Variants in IGF2BP2 observed in about 807,000 individuals in gnomAD.
IGF2BP2 encodes the protein insulin like growth factor 2 mRNA binding protein 2.
A neutral mutation model predicts 75.8 loss-of-function variants in IGF2BP2; 17 were observed. That is an observed-to-expected ratio of 0.22 (90% confidence interval 0.15 to 0.34). IGF2BP2 has a LOEUF of 0.34. Ranked by LOEUF, IGF2BP2 falls within the 10% of genes least tolerant of loss-of-function variation. The probability of loss-of-function intolerance (pLI) is 1.00; values close to 1 mark genes in which losing one functional copy is unlikely to be tolerated. For synonymous variants in IGF2BP2, 288 were observed against 295.6 expected, an observed-to-expected ratio of 0.97 and a Z score of 0.26; for missense variants, 516 against 772.4, an observed-to-expected ratio of 0.67 and a Z score of 3.93.
intron 1 of IGF2BP2, 185 bp from the exon 2 acceptor site, chr3:185,823,398 G>C (rs548781982): frequency 1.4e-5 from 7 of 490,178 alleles, no homozygotes; most frequent in Admixed American, 8.1e-5. Context: ...CCCGTGTCTC[G>C]GGACAAGGCG....
rs116926998 is a variant in IGF2BP2 at position 185,663,188 on chromosome 3, C to T, written c.1201-4779G>A. Among the ~76,000 whole-genome samples, 119 of 152,320 alleles carry T rather than the reference C, an allele frequency of 7.8e-4. No homozygotes were observed. The East Asian group carries it at 0.019, about 25-fold the overall frequency. On this transcript the variant is annotated intron_variant, in intron 10 of 15. Coordinates refer to ENST00000382199, the MANE Select transcript of IGF2BP2 (RefSeq NM_006548.6). ...TAGGGAACCCTGACCCCAATGTGGC[C>T]ATTAGACTCACTGTCCCAGTTGGAG...
intron 2 of IGF2BP2, among the ~76,000 whole-genome samples, chr3:185,699,574 G>A (rs1723025169): frequency 2.0e-5 from 3 of 152,240 alleles, no homozygotes; most frequent in East Asian, 1.9e-4. Flanking sequence ...TGTTATTTGC[G>A]TATCCTTCAG....
At chr3:185,658,300 A>G in intron 11 of IGF2BP2, 41 bp downstream of exon 11, 1 of 1,582,760 alleles carries the variant, frequency 6.3e-7, no homozygotes, top group Non-Finnish European at 8.7e-7. Context: ...GCCTAGCCCC[A>G]GGAGAAGTGG....
chr3:185,703,998 G>C (rs1370421059), intron 2 of IGF2BP2, among the ~76,000 whole-genome samples: 2 of 152,124 alleles, frequency 1.3e-5, no homozygotes, highest in African/African-American at 4.8e-5. Flanking sequence ...TGGAGAATTA[G>C]GCCAACTAGG....
At chr3:185,808,331 T>G (rs1348719374) in intron 2 of IGF2BP2, among the ~76,000 whole-genome samples, 2 of 150,664 alleles carry the variant, frequency 1.3e-5, no homozygotes, top group Non-Finnish European at 3.0e-5. Context: ...AAAAAAAAAA[T>G]TAGCTGAGTG....
At chr3:185,677,068 T>TATATATATAGAG in intron 7 of IGF2BP2, among the ~76,000 whole-genome samples, 25 of 35,854 alleles carry the variant, frequency 7.0e-4, no homozygotes, top group East Asian at 2.8e-3. Flanking sequence ...TATATATATA[T>TATATATATAGAG]AGAGAGAGAG....
At position 185,674,483 on chromosome 3, in the gene IGF2BP2, G is replaced by A. The variant is rs76011554; in HGVS notation, c.1071+813C>T. Among the ~76,000 whole-genome samples the A allele has an allele frequency of 3.1e-3, 468 of 152,276 alleles. 2 individuals are homozygous for A. The highest frequency in any genetic ancestry group is 0.011 in the African/African-American group (445 of 41,544). On this transcript the variant is annotated intron_variant, in intron 9 of 15. Transcript: ENST00000382199. ...TGTTTGTTTTTTGAATGCCGGATCA[G>A]TGTCTCCCCATTAAGAGTAAAAATT...
At position 185,647,273 on chromosome 3, in the gene IGF2BP2, C is replaced by G; in HGVS notation, c.1594-135G>C. The G allele has an allele frequency of 2.1e-5, 14 of 679,744 alleles. No individual in the cohort carries two copies. The highest frequency in any genetic ancestry group is 5.3e-6 in the Non-Finnish European group (2 of 376,876). The allele number at this position is 679,744 out of a possible 1,614,324, so 42.1% of individuals were successfully genotyped here. ...GGACTCTGCTCTCCTTTCCTTTTATCAAGGACACCCCGGGGGCTCCTCTGC... is the reference window on the plus strand; with the variant it reads ...GGACTCTGCTCTCCTTTCCTTTTATGAAGGACACCCCGGGGGCTCCTCTGC... On this transcript the variant is annotated intron_variant, in intron 14 of 15. Coordinates refer to ENST00000382199, the MANE Select transcript of IGF2BP2 (RefSeq NM_006548.6). The surrounding 1 kb of genome is among the most constrained non-coding windows in gnomAD (Gnocchi z 4.9).
intron 10 of IGF2BP2, 21 bp downstream of exon 10, chr3:185,672,520 T>A (rs371711772): frequency 1.7e-5 from 28 of 1,606,568 alleles, no homozygotes; most frequent in Non-Finnish European, 2.4e-5. Flanking sequence ...TAAGCAAACC[T>A]CCACAAGCTG....
chr3:185,655,380 C>G (rs1715270385), intron 12 of IGF2BP2, among the ~76,000 whole-genome samples: 1 of 152,216 alleles, frequency 6.6e-6, no homozygotes, highest in African/African-American at 2.4e-5. Context: ...ATCCACCTGC[C>G]TCAGCCTCCC....
chr3:185,709,458 C>T (rs1724499006), intron 2 of IGF2BP2, among the ~76,000 whole-genome samples: 1 of 152,202 alleles, frequency 6.6e-6, no homozygotes, highest in Admixed American at 6.5e-5. Context: ...TTTTCCTGGC[C>T]CACTCCATCC....
intron 2 of IGF2BP2, among the ~76,000 whole-genome samples, chr3:185,788,130 C>T (rs944331250): frequency 6.6e-6 from 1 of 152,294 alleles, no homozygotes; most frequent in Non-Finnish European, 1.5e-5. Context: ...AGTGTTTACC[C>T]TCTTTTACTG....
intron 2 of IGF2BP2, among the ~76,000 whole-genome samples, chr3:185,751,610 A>G (rs1315428798): frequency 6.6e-6 from 1 of 151,758 alleles, no homozygotes; most frequent in Non-Finnish European, 1.5e-5. Flanking sequence ...ACGCCATCGC[A>G]CTCCAGCCTG....
chr3:185,741,699 C>A (rs970474303), intron 2 of IGF2BP2, among the ~76,000 whole-genome samples: 4 of 152,230 alleles, frequency 2.6e-5, no homozygotes, highest in African/African-American at 9.6e-5. Flanking sequence ...ACAGTCAGGG[C>A]TGGCTTCATG....
chr3:185,746,760 C>T (rs985605982), intron 2 of IGF2BP2, among the ~76,000 whole-genome samples: 4 of 152,282 alleles, frequency 2.6e-5, no homozygotes, highest in African/African-American at 9.6e-5. Flanking sequence ...ATGGTAGATT[C>T]TTGAGCTAGG....
At chr3:185,820,606 T>C (rs1371073493) in intron 2 of IGF2BP2, among the ~76,000 whole-genome samples, 2 of 152,164 alleles carry the variant, frequency 1.3e-5, no homozygotes, top group African/African-American at 4.8e-5. Context: ...TCTAGTCTAT[T>C]ATGCTATTAT....
At chr3:185,798,001 A>C (rs1046526697) in intron 2 of IGF2BP2, among the ~76,000 whole-genome samples, 4 of 151,772 alleles carry the variant, frequency 2.6e-5, no homozygotes, top group African/African-American at 9.7e-5. Flanking sequence ...CAGGAGTTCG[A>C]GACCAGCCTG....
intron 2 of IGF2BP2, among the ~76,000 whole-genome samples, chr3:185,743,901 G>C (rs957883568): frequency 5.9e-5 from 9 of 152,184 alleles, no homozygotes; most frequent in Non-Finnish European, 1.0e-4. Context: ...ACAAAATGTA[G>C]GAAAGAGGTT....
intron 2 of IGF2BP2, among the ~76,000 whole-genome samples, chr3:185,810,902 T>C (rs1469259389): frequency 6.6e-6 from 1 of 152,216 alleles, no homozygotes; most frequent in Admixed American, 6.5e-5. Flanking sequence ...CTTAAAACAT[T>C]ATCTATAGTT....
Sources: gnomAD v4.1 joint callset for allele counts (sites outside exome capture counted in the v4.1 genomes callset) on GRCh38, gnomAD v4.1.1 for gene constraint, Gnocchi (gnomAD v3.1) non-coding constraint, MANE v1.5 for transcripts, NCBI Gene and HGNC (gene_info 2026-07-23, HGNC 2026-07-21) for gene names.